PLCB1: variants seen among roughly 807,000 people sequenced by gnomAD.
PLCB1 encodes 1-phosphatidylinositol 4,5-bisphosphate phosphodiesterase beta-1.
A neutral mutation model predicts 161.8 loss-of-function variants in PLCB1; 46 were observed. The observed-to-expected ratio is 0.28, with a 90% CI of 0.22 to 0.36. The LOEUF (loss-of-function observed/expected upper bound fraction) is 0.36, where lower values mean the gene tolerates loss of function less well. PLCB1 is among the 10% of genes least tolerant of loss of function. The pLI is 1.00. For synonymous variants in PLCB1, 517 were observed against 503.7 expected (o/e 1.03, Z -0.35); for missense variants, 1,016 against 1,472.5 (o/e 0.69, Z 5.07).
At chr20:8,416,100 A>G (rs924572492) in intron 3 of PLCB1, among the ~76,000 whole-genome samples, 2 of 152,230 alleles carry the variant, frequency 1.3e-5, no homozygotes, top group African/African-American at 2.4e-5. Flanking sequence ...AGGAATCTCC[A>G]AAACACAGGT....
intron 26 of PLCB1, among the ~76,000 whole-genome samples, chr20:8,765,735 T>A (rs1982280631): frequency 6.6e-6 from 1 of 152,096 alleles, no homozygotes; most frequent in Non-Finnish European, 1.5e-5. Context: ...TCACCCAGAC[T>A]GGAGTGCAGT....
intron 2 of PLCB1, among the ~76,000 whole-genome samples, chr20:8,167,765 G>C (rs1013010468): frequency 1.3e-5 from 2 of 152,096 alleles, no homozygotes; most frequent in African/African-American, 4.8e-5. Context: ...ATAGAACAAA[G>C]ACATTAGTCA....
At chr20:8,871,077 G>A (rs554473171) in intron 31 of PLCB1, among the ~76,000 whole-genome samples, 2 of 152,154 alleles carry the variant, frequency 1.3e-5, no homozygotes, top group Non-Finnish European at 2.9e-5. Flanking sequence ...ACATTACCTT[G>A]TCACTTTTAA....
intron 31 of PLCB1, among the ~76,000 whole-genome samples, chr20:8,819,536 C>G (rs1326375605): frequency 2.6e-5 from 4 of 152,120 alleles, no homozygotes; most frequent in South Asian, 2.1e-4. Flanking sequence ...GTAAGATATT[C>G]TGTTCATCAA....
At chr20:8,310,355 C>T (rs1445840772) in intron 2 of PLCB1, among the ~76,000 whole-genome samples, 1 of 152,152 alleles carries the variant, frequency 6.6e-6, no homozygotes, top group African/African-American at 2.4e-5. Context: ...TGAAGTTCAA[C>T]TGTTAGTCCC....
chr20:8,416,927 A>AATACACAC (rs1979299759), intron 3 of PLCB1, among the ~76,000 whole-genome samples: 1 of 92,566 alleles, frequency 1.1e-5, no homozygotes, highest in Non-Finnish European at 2.0e-5. Flanking sequence ...GAAGAGACAG[A>AATACACAC]ATACACACAC....
chr20:8,664,247 G>T (rs532801325), intron 9 of PLCB1, among the ~76,000 whole-genome samples: 88 of 152,184 alleles, frequency 5.8e-4, no homozygotes, highest in African/African-American at 2.1e-3. Context: ...TCCCCACTTT[G>T]TTGTAATTAA....
At chr20:8,253,162 G>A (rs1420037224) in intron 2 of PLCB1, among the ~76,000 whole-genome samples, 1 of 151,564 alleles carries the variant, frequency 6.6e-6, no homozygotes, top group Non-Finnish European at 1.5e-5. Flanking sequence ...AGAAACTCTT[G>A]GCCCACTCAC....
At chr20:8,381,496 T>G (rs1487331581) in intron 3 of PLCB1, among the ~76,000 whole-genome samples, 1 of 152,232 alleles carries the variant, frequency 6.6e-6, no homozygotes, top group Non-Finnish European at 1.5e-5. Context: ...TTCATTTGTT[T>G]GGAATAGTTT....
chr20:8,796,901 T>C (rs1984053279), intron 31 of PLCB1, among the ~76,000 whole-genome samples: 1 of 152,254 alleles, frequency 6.6e-6, no homozygotes, highest in Non-Finnish European at 1.5e-5. Flanking sequence ...GAAACGTTTT[T>C]TCTTGTATCT....
At chr20:8,332,616 C>T (rs2122196646) in intron 2 of PLCB1, among the ~76,000 whole-genome samples, 1 of 152,304 alleles carries the variant, frequency 6.6e-6, no homozygotes, top group South Asian at 2.1e-4. Flanking sequence ...AATGACTTGC[C>T]TGAGATTACA....
intron 12 of PLCB1, among the ~76,000 whole-genome samples, chr20:8,713,358 T>G (rs1979125199): frequency 6.6e-6 from 1 of 152,182 alleles, no homozygotes. Context: ...AACTTTTGCA[T>G]TTTTAGTAGA....
At chr20:8,819,570 A>G (rs1248207065) in intron 31 of PLCB1, among the ~76,000 whole-genome samples, 1 of 148,102 alleles carries the variant, frequency 6.8e-6, no homozygotes, top group Non-Finnish European at 1.5e-5. Flanking sequence ...GAGAGTAAAA[A>G]GACAGATAAC....
chr20:8,401,813 T>A lies in PLCB1; in HGVS notation c.246+30363T>A, dbSNP rs1391229470. Among the ~76,000 whole-genome samples the A allele has an allele frequency of 3.3e-5, 5 of 152,282 alleles. No individual in the cohort carries two copies. In the East Asian group the frequency reaches 5.8e-4, roughly 18 times the overall value. On this transcript the variant is annotated intron_variant, in intron 3 of 31. Transcript: ENST00000338037. ...CTTCTGCTTATTGACCATGTCCAAGTCACATGGCCCAGCCCAATTCAAGGA... is the reference window on the plus strand; with the variant it reads ...CTTCTGCTTATTGACCATGTCCAAGACACATGGCCCAGCCCAATTCAAGGA...
At chr20:8,800,170 G>A (rs1984217026) in intron 31 of PLCB1, among the ~76,000 whole-genome samples, 1 of 152,178 alleles carries the variant, frequency 6.6e-6, no homozygotes, top group Admixed American at 6.5e-5. Flanking sequence ...CTGGGCTGAA[G>A]AAAACACTGA....
chr20:8,299,693 C>T (rs1037743692), intron 2 of PLCB1, among the ~76,000 whole-genome samples: 2 of 152,174 alleles, frequency 1.3e-5, no homozygotes, highest in Admixed American at 1.3e-4. Flanking sequence ...TTAGTAAATT[C>T]GTTAGCTATC....
intron 3 of PLCB1, among the ~76,000 whole-genome samples, chr20:8,558,167 A>G (rs1038951813): frequency 6.6e-6 from 1 of 151,940 alleles, no homozygotes; most frequent in Non-Finnish European, 1.5e-5. Flanking sequence ...AGCTAAAAGC[A>G]TATCATTGGA....
chr20:8,610,501 GAATGT>G (rs925719111), intron 3 of PLCB1, among the ~76,000 whole-genome samples: 46 of 152,236 alleles, frequency 3.0e-4, no homozygotes, highest in Admixed American at 2.5e-3. Context: ...ATATACCTAA[GAATGT>G]AATTGCTGGG....
intron 3 of PLCB1, among the ~76,000 whole-genome samples, chr20:8,587,184 A>G (rs969274604): frequency 1.4e-5 from 2 of 146,694 alleles, no homozygotes; most frequent in South Asian, 4.3e-4. Flanking sequence ...TAAAAAATAT[A>G]TATATATATA....
Sources: gnomAD v4.1 joint callset for allele counts (sites outside exome capture counted in the v4.1 genomes callset) on GRCh38, gnomAD v4.1.1 for gene constraint, MANE v1.5 for transcripts, NCBI Gene and HGNC (gene_info 2026-07-23, HGNC 2026-07-21) for gene names.